Variants in PCSK5 observed in about 807,000 individuals in gnomAD.
PCSK5 encodes the protein proprotein convertase subtilisin/kexin type 5.
In PCSK5, 129 loss-of-function variants were observed where a neutral mutation model predicts 233.2. The ratio of observed to expected loss-of-function variants is 0.55; its 90% CI spans 0.48 to 0.64. The LOEUF (loss-of-function observed/expected upper bound fraction) is 0.64. PCSK5 is among the 30% of genes least tolerant of loss of function. The probability of loss-of-function intolerance (pLI) is 0.00; values close to 1 mark genes in which losing one functional copy is unlikely to be tolerated. For missense variants in PCSK5, 2,076 were observed against 2,430.1 expected (o/e 0.85, Z 3.06); for synonymous variants, 825 against 879.2 (o/e 0.94, Z 1.09).
chr9:76,033,475 A>G (rs578190367), intron 5 of PCSK5, among the ~76,000 whole-genome samples: 179 of 152,316 alleles, frequency 1.2e-3, no homozygotes, highest in Non-Finnish European at 2.4e-3. Flanking sequence ...ACAGTATACT[A>G]CATAGTAGAT....
chr9:76,022,718 C>A (rs1419906587), intron 3 of PCSK5, among the ~76,000 whole-genome samples: 1 of 152,156 alleles, frequency 6.6e-6, no homozygotes, highest in African/African-American at 2.4e-5. Context: ...GTAGCCATTG[C>A]AGAATGAAAT....
At chr9:76,297,320 G>A (rs367786753) in intron 27 of PCSK5, among the ~76,000 whole-genome samples, 42 of 152,266 alleles carry the variant, frequency 2.8e-4, no homozygotes, top group African/African-American at 7.0e-4. Flanking sequence ...AGAACTGCTC[G>A]AATGTATTAG....
intron 3 of PCSK5, among the ~76,000 whole-genome samples, chr9:75,997,112 G>T (rs919011514): frequency 2.6e-5 from 4 of 152,172 alleles, no homozygotes; most frequent in Non-Finnish European, 4.4e-5. Context: ...ATAAATGTCT[G>T]TGGATATAAA....
chr9:75,971,198 C>G (rs954941523), intron 2 of PCSK5, among the ~76,000 whole-genome samples: 2 of 147,312 alleles, frequency 1.4e-5, no homozygotes, highest in South Asian at 4.3e-4. Context: ...GTTTTCTGTT[C>G]CCGTGTTTGT....
chr9:76,290,160 T>C (rs918091982), intron 24 of PCSK5, among the ~76,000 whole-genome samples: 1 of 152,218 alleles, frequency 6.6e-6, no homozygotes, highest in African/African-American at 2.4e-5. Flanking sequence ...TTGGAGGTTA[T>C]TTAGAAACTG....
At chr9:76,140,827 C>G (rs1296287417) in intron 10 of PCSK5, among the ~76,000 whole-genome samples, 2 of 152,054 alleles carry the variant, frequency 1.3e-5, no homozygotes, top group Non-Finnish European at 2.9e-5. Context: ...AGCCTATCAA[C>G]AGCCTATCAA....
intron 2 of PCSK5, among the ~76,000 whole-genome samples, chr9:75,972,754 T>C (rs1825859980): frequency 6.6e-6 from 1 of 152,222 alleles, no homozygotes; most frequent in Non-Finnish European, 1.5e-5. Context: ...TGAAGTTGCT[T>C]GTCAGCTTAA....
chr9:76,264,783 T>A (rs898186335), intron 24 of PCSK5, among the ~76,000 whole-genome samples: 2 of 152,164 alleles, frequency 1.3e-5, no homozygotes, highest in African/African-American at 2.4e-5. Context: ...TTGGTGTGAA[T>A]GTAAAGTAGT....
chr9:75,903,560 A>ATGTGTGTG (rs200020730), intron 1 of PCSK5, among the ~76,000 whole-genome samples: 4,364 of 121,122 alleles, frequency 0.036, 177 homozygotes, highest in African/African-American at 0.1. Context: ...ATGTGTGTAT[A>ATGTGTGTG]TATGTGTGTG....
intron 29 of PCSK5, among the ~76,000 whole-genome samples, 196 bp from the exon 30 acceptor site, chr9:76,310,460 C>T (rs1215251506): frequency 6.6e-6 from 1 of 152,130 alleles, no homozygotes; most frequent in Non-Finnish European, 1.5e-5. Flanking sequence ...AAGAAACAGG[C>T]AAAAGTCTCT....
At chr9:76,188,875 A>C (rs1281327419) in intron 18 of PCSK5, among the ~76,000 whole-genome samples, 200 bp downstream of exon 18, 2 of 152,236 alleles carry the variant, frequency 1.3e-5, no homozygotes, top group Non-Finnish European at 2.9e-5. Context: ...AAACTTACAT[A>C]GCCCAGTGAT....
intron 10 of PCSK5, among the ~76,000 whole-genome samples, chr9:76,143,194 G>T (rs1402124919): frequency 6.6e-6 from 1 of 152,036 alleles, no homozygotes; most frequent in African/African-American, 2.4e-5. Context: ...GTTTCTCGGG[G>T]ACTGGAAATT....
chr9:76,295,371 G>C lies in PCSK5; in HGVS notation c.3282G>C (p.Gln1094His). 1 of 1,612,572 alleles carries C rather than the reference G, an allele frequency of 6.2e-7. No homozygotes were observed. Among genetic ancestry groups the C allele is most frequent in the Non-Finnish European group, 8.5e-7 (1 of 1,179,676 alleles). Residue 1094 changes from glutamine (Q) to histidine (H), a missense_variant, in exon 26 of 38, where the codon CAG becomes CAC. Around this residue, in one of 6 missense-constraint regions of PCSK5, gnomAD observed 1,510 missense variants for 1,538.1 expected, o/e 0.98. Coordinates refer to ENST00000674117, the MANE Select transcript of PCSK5 (RefSeq NM_001372043.1). ...ACDSNCGSCDQNGCYWCEEGF... is the reference protein window; with the variant it reads ...ACDSNCGSCDHNGCYWCEEGF... ...ATAGTAACTGTGGCAGCTGTGACCA[G>C]AATGGGTGTTACTGGTGTGAAGAGG...
intron 35 of PCSK5, among the ~76,000 whole-genome samples, chr9:76,343,935 T>C (rs1829906569): frequency 7.5e-6 from 1 of 134,206 alleles, no homozygotes; most frequent in Non-Finnish European, 1.7e-5. Context: ...AAATTTTTAG[T>C]AGTCATGTTT....
At chr9:76,276,932 C>G (rs1381535345) in intron 24 of PCSK5, among the ~76,000 whole-genome samples, 1 of 152,022 alleles carries the variant, frequency 6.6e-6, no homozygotes, top group African/African-American at 2.4e-5. Flanking sequence ...TGTTTTCATT[C>G]TAATAATTAT....
chr9:76,108,580 CCTTCT>C (rs1832076147), intron 9 of PCSK5, among the ~76,000 whole-genome samples: 1 of 152,154 alleles, frequency 6.6e-6, no homozygotes, highest in Non-Finnish European at 1.5e-5. Flanking sequence ...TGGTGAAACC[CCTTCT>C]CTTCTAAAAA....
At chr9:76,168,060 C>T (rs1823161465) in intron 12 of PCSK5, among the ~76,000 whole-genome samples, 1 of 152,064 alleles carries the variant, frequency 6.6e-6, no homozygotes, top group Non-Finnish European at 1.5e-5. Flanking sequence ...TTTCACTTTC[C>T]ACTATGTAGG....
At chr9:76,140,149 C>T (rs193284566) in intron 10 of PCSK5, among the ~76,000 whole-genome samples, 22 of 152,092 alleles carry the variant, frequency 1.4e-4, no homozygotes, top group African/African-American at 4.8e-4. Context: ...TAAATGCATG[C>T]GGTTTCACAC....
At chr9:76,123,723 TAA>T (rs1377009935) in intron 9 of PCSK5, among the ~76,000 whole-genome samples, 1 of 152,246 alleles carries the variant, frequency 6.6e-6, no homozygotes, top group African/African-American at 2.4e-5. Context: ...AATAAAACTT[TAA>T]ATTGTTTATT....
Sources: allele counts gnomAD v4.1 joint callset (sites outside exome capture counted in the v4.1 genomes callset), GRCh38; gene constraint gnomAD v4.1.1; regional missense constraint gnomAD v4.1.1; transcripts MANE v1.5; gene names NCBI Gene and HGNC (gene_info 2026-07-23, HGNC 2026-07-21).